RNF128: variants seen among roughly 807,000 people sequenced by gnomAD.
RNF128 encodes the protein E3 ubiquitin-protein ligase RNF128.
A neutral mutation model predicts 26.2 loss-of-function variants in RNF128; 13 were observed. The observed-to-expected ratio is 0.50, with a 90% CI of 0.32 to 0.79. RNF128 has a LOEUF of 0.79. Ranked by LOEUF, RNF128 falls within the 30% of genes least tolerant of loss-of-function variation. The pLI is 0.03. For missense variants in RNF128, 315 were observed against 349.7 expected (o/e 0.90, Z 0.79); for synonymous variants, 149 against 142.5 (o/e 1.05, Z -0.32).
At chrX:106,757,641 G>A (rs1350414902) in intron 1 of RNF128, among the ~76,000 whole-genome samples, 2 of 93,511 alleles carry the variant, frequency 2.1e-5, no homozygotes, top group Admixed American at 1.2e-4. Context: ...GCTAGATGAC[G>A]AGTTAGTGGG....
intron 4 of RNF128, among the ~76,000 whole-genome samples, chrX:106,788,500 A>ATATAAT (rs1407882033): frequency 1.8e-5 from 1 of 55,965 alleles, no homozygotes. Context: ...AATTATAATT[A>ATATAAT]TATAATTATA....
At chrX:106,717,197 C>T (rs1169520155) in intron 1 of RNF128, among the ~76,000 whole-genome samples, 4 of 103,589 alleles carry the variant, frequency 3.9e-5, no homozygotes, top group South Asian at 4.4e-4. Flanking sequence ...AGCGAGACTC[C>T]GTCTCAAAAA....
intron 1 of RNF128, among the ~76,000 whole-genome samples, chrX:106,710,207 CTT>C (rs887186819): frequency 1.3e-4 from 14 of 111,589 alleles, no homozygotes; most frequent in Non-Finnish European, 2.3e-4. Flanking sequence ...CAGTTTCACC[CTT>C]GTCTTTGATA....
chrX:106,742,911 A>G (rs1929727786), intron 1 of RNF128, among the ~76,000 whole-genome samples: 1 of 111,415 alleles, frequency 9.0e-6, no homozygotes, highest in Non-Finnish European at 1.9e-5. Flanking sequence ...TGATATACAT[A>G]TATGTATATG....
intron 1 of RNF128, among the ~76,000 whole-genome samples, chrX:106,752,934 G>A (rs1168743274): frequency 9.0e-6 from 1 of 111,118 alleles, no homozygotes; most frequent in Non-Finnish European, 1.9e-5. Context: ...GAATGCATCA[G>A]AGTCTTTCAA....
intron 1 of RNF128, 103 bp from the exon 2 acceptor site, chrX:106,772,810 C>T (rs1930397077): frequency 1.2e-6 from 1 of 825,742 alleles, no homozygotes; most frequent in Admixed American, 3.5e-5. Context: ...AATGGGTATC[C>T]TTCCTTTGTC....
At position 106,769,362 on chromosome X, in the gene RNF128, G is replaced by T. The variant is rs745851620; in HGVS notation, c.485-3551G>T. Among the ~76,000 whole-genome samples, 7 of 110,523 alleles carry T rather than the reference G, an allele frequency of 6.3e-5. No individual in the cohort carries two copies. In the East Asian group the frequency reaches 1.7e-3, roughly 27 times the overall value. On this transcript the variant is annotated intron_variant, in intron 1 of 6. Coordinates refer to ENST00000255499, the MANE Select transcript of RNF128 (RefSeq NM_194463.2). ...GTGTGCGTGTCTAAGTCTCTTTGTA[G>T]GTCTCTAAGGACTTGCTTTATAAAT...
intron 1 of RNF128, among the ~76,000 whole-genome samples, chrX:106,771,624 G>C (rs2147694523): frequency 8.9e-6 from 1 of 112,685 alleles, no homozygotes; most frequent in African/African-American, 3.2e-5. Flanking sequence ...TAGAGTGGGA[G>C]TGTCCCGATT....
intron 3 of RNF128, among the ~76,000 whole-genome samples, chrX:106,787,533 A>G (rs936331961): frequency 6.3e-5 from 7 of 111,048 alleles, no homozygotes; most frequent in Middle Eastern, 9.3e-3. Flanking sequence ...GTGACGACAT[A>G]TTTTTCAAAA....
chrX:106,761,900 C>A, intron 1 of RNF128, among the ~76,000 whole-genome samples: 1 of 109,045 alleles, frequency 9.2e-6, no homozygotes, highest in South Asian at 4.0e-4. Context: ...AATTGGCATG[C>A]CTCTCTAAAT....
intron 1 of RNF128, among the ~76,000 whole-genome samples, chrX:106,768,003 A>T (rs1000277725): frequency 1.8e-5 from 2 of 111,701 alleles, no homozygotes; most frequent in African/African-American, 6.5e-5. Context: ...TTCTGTTTAT[A>T]TGATGGATTA....
At chrX:106,769,201 G>A (rs945481045) in intron 1 of RNF128, among the ~76,000 whole-genome samples, 6 of 111,904 alleles carry the variant, frequency 5.4e-5, no homozygotes, top group Non-Finnish European at 1.1e-4. Context: ...TTGATTTGGG[G>A]TGGAGAGTTC....
chrX:106,790,982 C>A (rs1172653497), intron 5 of RNF128, 84 bp from the exon 6 acceptor site: 27 of 842,182 alleles, frequency 3.2e-5, no homozygotes, highest in Non-Finnish European at 3.5e-5. Flanking sequence ...TCCAATGAGT[C>A]ACCTATAAAG....
intron 1 of RNF128, among the ~76,000 whole-genome samples, chrX:106,758,770 C>G (rs369399897): frequency 9.0e-6 from 1 of 111,428 alleles, no homozygotes; most frequent in East Asian, 2.8e-4. Context: ...CTGCCATATA[C>G]AAAAATCAAA....
chrX:106,765,404 GT>G (rs2147689951), intron 1 of RNF128, among the ~76,000 whole-genome samples: 1 of 111,509 alleles, frequency 9.0e-6, no homozygotes, highest in East Asian at 2.8e-4. Flanking sequence ...GCCATTTAAG[GT>G]TTATACCCTT....
At chrX:106,712,216 T>C (rs750640268) in intron 1 of RNF128, among the ~76,000 whole-genome samples, 287 of 111,652 alleles carry the variant, frequency 2.6e-3, no homozygotes, top group African/African-American at 9.1e-3. Flanking sequence ...CAACTTCGAG[T>C]GTCTTTTTAT....
chrX:106,699,256 A>G (rs1410195058), intron 1 of RNF128, among the ~76,000 whole-genome samples: 2 of 112,294 alleles, frequency 1.8e-5, no homozygotes, highest in Non-Finnish European at 3.8e-5. Context: ...GCCTAGGCCT[A>G]CAAGGTTTGA....
At chrX:106,774,124 A>T (rs985478814) in intron 2 of RNF128, among the ~76,000 whole-genome samples, 5 of 111,095 alleles carry the variant, frequency 4.5e-5, no homozygotes, top group Middle Eastern at 4.7e-3. Context: ...CAGGAATCAC[A>T]CTATGTTTTC....
In RNF128 at chrX:106,791,023, G is replaced by T. The variant is rs749413876; in HGVS notation, c.985-43G>T. The T allele has an allele frequency of 5.2e-6, 6 of 1,143,795 alleles. No individual in the cohort carries two copies. In the South Asian group the frequency reaches 7.8e-5, roughly 15 times the overall value. The allele number at this position is 1,143,795 out of a possible 1,213,427, so 94.3% of individuals were successfully genotyped here. A position where few individuals can be genotyped will look rare whatever the true frequency, so the allele number is the denominator to read the frequency against. The stretch of plus-strand genomic sequence containing the variant: ...TTGAAGTGATATGTCGAGGAAAAGC[G>T]TGTACACTGAGAGGCTTTTAATTTG... On this transcript the variant is annotated intron_variant, in intron 5 of 6. Transcript: ENST00000255499.
Sources: allele counts gnomAD v4.1 joint callset (sites outside exome capture counted in the v4.1 genomes callset), GRCh38; gene constraint gnomAD v4.1.1; transcripts MANE v1.5; gene names NCBI Gene and HGNC (gene_info 2026-07-23, HGNC 2026-07-21).